The following PRAMEF19 variants were observed in gnomAD, a reference collection of about 807,000 sequenced individuals.
PRAMEF19 encodes PRAME family member-like.
Under a neutral mutation model 33.1 loss-of-function variants are expected in PRAMEF19, and 21 were observed. That is an observed-to-expected ratio of 0.63 (90% CI 0.45 to 0.91). The LOEUF is 0.91. Ranked by LOEUF, PRAMEF19 falls within the 40% of genes least tolerant of loss-of-function variation. The probability of loss-of-function intolerance (pLI) is 0.00; values close to 1 mark genes in which losing one functional copy is unlikely to be tolerated. For synonymous variants in PRAMEF19, 179 were observed against 229.3 expected (o/e 0.78, Z 1.98); for missense variants, 481 against 585.2 (o/e 0.82, Z 1.84).
At chr1:13,371,227 C>T (rs1226348841) in exon 2 of PRAMEF19, 1 of 1,611,932 alleles carries the variant, frequency 6.2e-7, no homozygotes, top group Non-Finnish European at 8.5e-7. Flanking sequence ...GTTTCCACCT[C>T]CTGTGAGTAA....
At chr1:13,370,439 C>A (rs1200764163) in intron 2 of PRAMEF19, among the ~76,000 whole-genome samples, 2 of 152,124 alleles carry the variant, frequency 1.3e-5, no homozygotes, top group Non-Finnish European at 2.9e-5. Context: ...CTCTCTGTAG[C>A]GTCTATGCCA....
At chr1:13,370,424 T>C (rs1640656031) in intron 2 of PRAMEF19, among the ~76,000 whole-genome samples, 1 of 152,206 alleles carries the variant, frequency 6.6e-6, no homozygotes, top group South Asian at 2.1e-4. Context: ...CCCTACACGA[T>C]GTCCCTCTCT....
In PRAMEF19 at chr1:13,370,683, G is replaced by A. The variant is rs1249140661; in HGVS notation, c.832C>T (p.Arg278Cys). The change falls in exon 2 of 3, where the codon CGC becomes TGC. Residue 278 changes from arginine (R) to cysteine (C), a missense_variant. Transcript: ENST00000376101. ...TGGTCCAGGTAGCCTTCGAAGAAGC[G>A]GATCCTTCTCATATAAAGCATCTGG... 1.1e-4 allele frequency: 171 copies of A among 1,613,860 alleles called. 1 individual carries two copies. The highest frequency in any genetic ancestry group is 7.1e-4 in the African/African-American group (53 of 74,986).
rs1412539201 is a variant in PRAMEF19, at chr1:13,371,758, C to T, written c.143G>A (p.Cys48Tyr). 2.4e-5 allele frequency: 38 copies of T among 1,610,024 alleles called. No homozygotes were observed. In the Admixed American group the frequency reaches 5.2e-4, roughly 22 times the overall value. Residue 48 changes from cysteine to tyrosine, a missense_variant, in exon 1 of 3, where the codon TGC becomes TAC. Cys to Tyr is a radical substitution (Grantham distance 194). Coordinates refer to ENST00000376101, the Ensembl canonical transcript of PRAMEF19. ...CACCATCACCTTCAGAACCTCGCAG[C>T]ATCTGCTAGTGAAGGCCTCCACGAA...
At position 13,370,876 on chromosome 1, in the gene PRAMEF19, C is replaced by T. The variant is rs1640663160; in HGVS notation, c.639G>A (p.Trp213Ter). 1.2e-6 allele frequency: 2 copies of T among 1,613,808 alleles called. No individual in the cohort carries two copies. The highest frequency in any genetic ancestry group is 2.7e-5 in the African/African-American group (2 of 74,902). Residue 213 changes from tryptophan to a stop codon, truncating the protein, a stop_gained, in exon 2 of 3, where the codon TGG (tryptophan) becomes TGA (stop). Transcript: ENST00000376101. LOFTEE classifies it high-confidence loss of function. ...CTACCATACACGGCCAGCACATGTT[C>T]CAAATTTCCAATACTTGGATACTGT...
chr1:13,370,574 A>T (rs1640657515), intron 2 of PRAMEF19, 75 bp downstream of exon 2: 1 of 1,583,734 alleles, frequency 6.3e-7, no homozygotes, highest in Non-Finnish European at 8.6e-7. Flanking sequence ...CACACAGTAG[A>T]TGCTGACTAG....
intron 2 of PRAMEF19, among the ~76,000 whole-genome samples, 157 bp downstream of exon 2, chr1:13,370,492 C>T (rs1484758655): frequency 2.0e-5 from 3 of 152,082 alleles, no homozygotes; most frequent in African/African-American, 2.4e-5. Context: ...GTGATACCCA[C>T]TTCAGGATAT....
In PRAMEF19 at chr1:13,370,904, G is replaced by A. The variant is rs1278585907; in HGVS notation, c.611C>T (p.Pro204Leu). ...AATTTCCAATACTTGGATACTGTCT[G>A]GGTATACTGTTTCTAATATGTTTCT... The change falls in exon 2 of 3, where the codon CCA becomes CTA. Residue 204 changes from proline (P) to leucine (L), a missense_variant. This residue lies in a region of PRAMEF19 where 392 missense variants were observed against 397.5 expected (regional missense o/e 0.99). Coordinates refer to ENST00000376101, the Ensembl canonical transcript of PRAMEF19. 2.5e-6 allele frequency: 4 copies of A among 1,613,894 alleles called. No homozygotes were observed. In the East Asian group the frequency reaches 8.9e-5, roughly 36 times the overall value.
At chr1:13,369,689 C>T (rs754451257) in intron 2 of PRAMEF19, 49 bp from the exon 3 acceptor site, 246 of 1,610,518 alleles carry the variant, frequency 1.5e-4, no homozygotes, top group African/African-American at 9.5e-4. Flanking sequence ...AGTTAGAGGA[C>T]GGTGGTAGAA....
chr1:13,368,750 T>C (rs770712852), downstream of PRAMEF19, among the ~76,000 whole-genome samples: 5 of 151,930 alleles, frequency 3.3e-5, no homozygotes, highest in African/African-American at 7.3e-5. Context: ...CCCTGCTGGG[T>C]TTTTTTGTGT....
intron 2 of PRAMEF19, among the ~76,000 whole-genome samples, chr1:13,370,201 T>C (rs1232920547): frequency 2.0e-5 from 3 of 152,298 alleles, no homozygotes; most frequent in African/African-American, 7.2e-5. Context: ...CAGAGCTTCC[T>C]CTGTGAAACG....
downstream of PRAMEF19, among the ~76,000 whole-genome samples, chr1:13,368,750 T>A (rs770712852): frequency 0.048 from 7,350 of 151,944 alleles, 347 homozygotes; most frequent in East Asian, 0.27. Flanking sequence ...CCCTGCTGGG[T>A]TTTTTTGTGT....
At chr1:13,371,441 G>A (rs1265799050) in intron 1 of PRAMEF19, among the ~76,000 whole-genome samples, 173 bp downstream of exon 1, 2 of 151,108 alleles carry the variant, frequency 1.3e-5, no homozygotes, top group African/African-American at 2.4e-5. Flanking sequence ...TTCCTCAGTG[G>A]ACCCTGTATG....
chr1:13,370,909 T>C, exon 2 of PRAMEF19: 2 of 1,613,976 alleles, frequency 1.2e-6, no homozygotes, highest in East Asian at 2.2e-5. Context: ...TGTCTGGGTA[T>C]ACTGTTTCTA....
chr1:13,370,604 A>T (rs1488506830), intron 2 of PRAMEF19, 45 bp downstream of exon 2: 1 of 1,611,568 alleles, frequency 6.2e-7, no homozygotes, highest in Admixed American at 1.7e-5. Flanking sequence ...TAACAAAAAA[A>T]GGCTGTGCTG....
chr1:13,371,671 A>T (rs1383079942), exon 1 of PRAMEF19: 37 of 1,610,370 alleles, frequency 2.3e-5, no homozygotes, highest in Non-Finnish European at 3.1e-5. Flanking sequence ...ATAATGTAAG[A>T]TCTCCAGATC....
chr1:13,369,245 T>C, exon 3 of PRAMEF19: 1 of 1,612,012 alleles, frequency 6.2e-7, no homozygotes, highest in Non-Finnish European at 8.5e-7. Context: ...ACGACCCCTG[T>C]TGTCAAGACT....
At chr1:13,369,002 A>G, downstream of PRAMEF19, 1 of 1,581,126 alleles carries the variant, frequency 6.3e-7, no homozygotes, top group Non-Finnish European at 8.6e-7. Context: ...AAAATAAAAG[A>G]TATCTATGTC....
exon 3 of PRAMEF19, chr1:13,369,423 C>T (rs1327551446): frequency 1.0e-6 from 1 of 989,914 alleles, no homozygotes; most frequent in Non-Finnish European, 1.4e-6. Flanking sequence ...TTGGAGTCCC[C>T]AATCCCACAG....
Sources: allele counts gnomAD v4.1 joint callset (sites outside exome capture counted in the v4.1 genomes callset), GRCh38; gene constraint gnomAD v4.1.1; regional missense constraint gnomAD v4.1.1; transcripts MANE v1.5; gene names NCBI Gene and HGNC (gene_info 2026-07-23, HGNC 2026-07-21).